The following GLI3 variants were observed in gnomAD, a reference collection of about 807,000 sequenced individuals.
GLI3 encodes transcription activator GLI3.
GLI3 carries 20 observed loss-of-function variants against 100.8 expected under a neutral mutation model. The observed-to-expected ratio is 0.20, with a 90% CI of 0.14 to 0.29. The LOEUF is 0.29. GLI3 is among the 10% of genes least tolerant of loss of function. The pLI is 1.00. For synonymous variants in GLI3, 938 were observed against 860.5 expected (o/e 1.09, Z -1.58); for missense variants, 2,040 against 2,128.5 (o/e 0.96, Z 0.82).
At chr7:42,249,587 C>T (rs74373626) in intron 1 of GLI3, among the ~76,000 whole-genome samples, 4,797 of 152,166 alleles carry the variant, frequency 0.032, 136 homozygotes, top group African/African-American at 0.076. Context: ...CTTCATTTGT[C>T]CACCTGTAAA....
intron 7 of GLI3, among the ~76,000 whole-genome samples, chr7:42,033,498 C>T (rs1025948162): frequency 1.3e-5 from 2 of 152,174 alleles, no homozygotes; most frequent in Admixed American, 6.5e-5. Flanking sequence ...TTCTTTTGCT[C>T]ATGAAATCAA....
chr7:42,157,739 T>C (rs549111352), intron 2 of GLI3, among the ~76,000 whole-genome samples: 1 of 147,624 alleles, frequency 6.8e-6, no homozygotes, highest in South Asian at 2.1e-4. Flanking sequence ...ATGTATGACC[T>C]TTACTATAAT....
At chr7:42,241,364 C>T (rs1788923152), upstream of GLI3, among the ~76,000 whole-genome samples, 1 of 152,152 alleles carries the variant, frequency 6.6e-6, no homozygotes, top group South Asian at 2.1e-4. Context: ...TAGGTTTCCT[C>T]CTGCCCACTC....
intron 3 of GLI3, among the ~76,000 whole-genome samples, chr7:42,109,948 T>C (rs62443775): frequency 0.036 from 5,522 of 152,328 alleles, 155 homozygotes; most frequent in Non-Finnish European, 0.051. Context: ...TATACCTCTT[T>C]AGGATACTTT....
At chr7:42,194,642 C>G (rs1283280232) in intron 2 of GLI3, among the ~76,000 whole-genome samples, 2 of 152,090 alleles carry the variant, frequency 1.3e-5, no homozygotes, top group Admixed American at 1.3e-4. Flanking sequence ...CCCATGAAGC[C>G]CTAGCTAGAG....
chr7:42,182,284 G>A (rs1787608772), intron 2 of GLI3, among the ~76,000 whole-genome samples: 1 of 151,910 alleles, frequency 6.6e-6, no homozygotes, highest in South Asian at 2.1e-4. Context: ...AATATAAGTA[G>A]TCAAATACGG....
At chr7:42,002,011 T>G (rs953477901) in intron 10 of GLI3, among the ~76,000 whole-genome samples, 2 of 151,876 alleles carry the variant, frequency 1.3e-5, no homozygotes, top group African/African-American at 4.8e-5. Flanking sequence ...AACACTGTGT[T>G]TACTTCCAAA....
At chr7:42,016,126 G>T (rs1029589) in intron 10 of GLI3, among the ~76,000 whole-genome samples, 3 of 152,004 alleles carry the variant, frequency 2.0e-5, no homozygotes, top group Non-Finnish European at 4.4e-5. Flanking sequence ...AACCCCCAAC[G>T]CCAGAGAATG....
At chr7:42,015,754 C>T (rs914568309) in intron 10 of GLI3, among the ~76,000 whole-genome samples, 1 of 151,582 alleles carries the variant, frequency 6.6e-6, no homozygotes, top group Non-Finnish European at 1.5e-5. Flanking sequence ...CACACACCCA[C>T]CCCCCCACAC....
intron 10 of GLI3, among the ~76,000 whole-genome samples, chr7:41,995,463 A>G (rs1280853902): frequency 2.0e-5 from 3 of 151,902 alleles, no homozygotes. Flanking sequence ...CTCATCTCCC[A>G]CAGGAGGGTT....
chr7:42,042,006 C>T (rs1242985431), intron 6 of GLI3, among the ~76,000 whole-genome samples: 3 of 142,202 alleles, frequency 2.1e-5, no homozygotes, highest in Middle Eastern at 6.9e-3. Flanking sequence ...GCAATCCCAA[C>T]GATTTCCTTT....
intron 3 of GLI3, among the ~76,000 whole-genome samples, chr7:42,142,493 T>C (rs1786592729): frequency 6.6e-6 from 1 of 152,096 alleles, no homozygotes; most frequent in African/African-American, 2.4e-5. Flanking sequence ...ATCCTCAAAA[T>C]TGATGAATAA....
intron 10 of GLI3, among the ~76,000 whole-genome samples, chr7:42,006,057 T>C (rs1207081496): frequency 6.6e-6 from 1 of 152,178 alleles, no homozygotes; most frequent in East Asian, 1.9e-4. Context: ...AATTTGAATA[T>C]ATCATCCCTC....
intron 3 of GLI3, chr7:42,113,584 C>T: frequency 9.6e-7 from 1 of 1,045,150 alleles, no homozygotes; most frequent in Non-Finnish European, 1.5e-6. Context: ...CCAAAAAAGA[C>T]CAGGCCCAGA....
chr7:42,033,817 A>G (rs149497699), intron 7 of GLI3, among the ~76,000 whole-genome samples: 114 of 152,226 alleles, frequency 7.5e-4, no homozygotes, highest in African/African-American at 2.6e-3. Context: ...TTTGAGAGGG[A>G]AAAAAATAAA....
chr7:42,138,611 G>A (rs1196813541), intron 3 of GLI3, among the ~76,000 whole-genome samples: 1 of 152,208 alleles, frequency 6.6e-6, no homozygotes, highest in Non-Finnish European at 1.5e-5. Flanking sequence ...AGGAGACACA[G>A]GGGTAGGGGA....
intron 10 of GLI3, among the ~76,000 whole-genome samples, chr7:42,007,903 A>T (rs1457166982): frequency 2.0e-5 from 3 of 146,944 alleles, no homozygotes; most frequent in African/African-American, 8.0e-5. Context: ...GTTTTATAAT[A>T]AAAAAATTAA....
chr7:42,079,600 G>T (rs1163571250), intron 3 of GLI3, among the ~76,000 whole-genome samples: 1 of 152,160 alleles, frequency 6.6e-6, no homozygotes, highest in Admixed American at 6.5e-5. Flanking sequence ...CTAGAACAGG[G>T]TGTGAATTCA....
intron 10 of GLI3, among the ~76,000 whole-genome samples, chr7:42,015,050 T>G (rs1788719373): frequency 6.6e-6 from 1 of 152,220 alleles, no homozygotes; most frequent in African/African-American, 2.4e-5. Flanking sequence ...ACAAAGTACT[T>G]CCATTATAGG....
Sources: allele counts gnomAD v4.1 joint callset (sites outside exome capture counted in the v4.1 genomes callset), GRCh38; gene constraint gnomAD v4.1.1; transcripts MANE v1.5; gene names NCBI Gene and HGNC (gene_info 2026-07-23, HGNC 2026-07-21).